Variants in EPB41 observed in about 807,000 individuals in gnomAD.
EPB41 encodes the protein protein 4.1.
A neutral mutation model predicts 108.0 loss-of-function variants in EPB41; 65 were observed. The ratio of observed to expected loss-of-function variants is 0.60; its 90% CI spans 0.49 to 0.74. The LOEUF (loss-of-function observed/expected upper bound fraction) is 0.74, where lower values mean the gene tolerates loss of function less well. Ranked by LOEUF, EPB41 falls within the 30% of genes least tolerant of loss-of-function variation. The pLI is 0.00. For missense variants in EPB41, 875 were observed against 1,037.0 expected (o/e 0.84, Z 2.15); for synonymous variants, 336 against 358.9 (o/e 0.94, Z 0.72).
At chr1:28,888,854 C>G (rs942160857) in intron 1 of EPB41, among the ~76,000 whole-genome samples, 1 of 152,184 alleles carries the variant, frequency 6.6e-6, no homozygotes, top group East Asian at 1.9e-4. Context: ...GTCTCGATCT[C>G]CTGACCTCGT....
intron 16 of EPB41, among the ~76,000 whole-genome samples, chr1:29,080,554 G>A (rs1160325933): frequency 6.6e-6 from 1 of 151,908 alleles, no homozygotes; most frequent in African/African-American, 2.4e-5. Flanking sequence ...GACCACAGGT[G>A]TGTGTCACAC....
chr1:28,981,052 C>T (rs1271044622), intron 1 of EPB41, among the ~76,000 whole-genome samples: 2 of 152,118 alleles, frequency 1.3e-5, no homozygotes, highest in East Asian at 3.9e-4. Flanking sequence ...GGATTACAGG[C>T]GTGAGCCACC....
upstream of EPB41, among the ~76,000 whole-genome samples, chr1:28,912,816 C>T (rs1389961794): frequency 1.3e-5 from 2 of 151,894 alleles, no homozygotes; most frequent in African/African-American, 2.4e-5. Context: ...TGGGGTTTCA[C>T]CATTTGGCCA....
chr1:29,033,023 A>G (rs895633894), intron 8 of EPB41, 70 bp from the exon 9 acceptor site: 3 of 1,433,424 alleles, frequency 2.1e-6, no homozygotes, highest in Admixed American at 1.7e-5. Context: ...TCTTCAGATT[A>G]TCTAGTAATA....
chr1:28,952,246 G>A (rs1231242749), intron 1 of EPB41, among the ~76,000 whole-genome samples: 3 of 151,454 alleles, frequency 2.0e-5, no homozygotes, highest in Non-Finnish European at 4.4e-5. Flanking sequence ...TGGTTCGTGC[G>A]GCCGGGCACG....
At chr1:29,038,037 CATAA>C in intron 10 of EPB41, among the ~76,000 whole-genome samples, 1 of 152,232 alleles carries the variant, frequency 6.6e-6, no homozygotes, top group Admixed American at 6.5e-5. Flanking sequence ...TCATTTCATT[CATAA>C]ATAAACTTGA....
chr1:29,060,740 T>G (rs915005794), intron 15 of EPB41, among the ~76,000 whole-genome samples: 11 of 152,222 alleles, frequency 7.2e-5, no homozygotes, highest in Non-Finnish European at 1.3e-4. Context: ...CTCTCATGGT[T>G]CCATTGTTTT....
chr1:29,095,179 T>G (rs1662769084), intron 16 of EPB41, among the ~76,000 whole-genome samples: 1 of 152,058 alleles, frequency 6.6e-6, no homozygotes, highest in Non-Finnish European at 1.5e-5. Flanking sequence ...TCCTGTGGAG[T>G]GAGGTATTTG....
At chr1:29,072,280 T>A (rs1651846490) in intron 16 of EPB41, 1 of 152,118 alleles carries the variant, frequency 6.6e-6, no homozygotes. Flanking sequence ...CAGAAAGTAA[T>A]AATCATGAGT....
intron 19 of EPB41, among the ~76,000 whole-genome samples, chr1:29,113,527 T>C (rs775915778): frequency 6.6e-6 from 1 of 152,162 alleles, no homozygotes; most frequent in Non-Finnish European, 1.5e-5. Flanking sequence ...ACCCACCCAC[T>C]CAGTCTGGTG....
At chr1:28,926,595 A>C (rs1439109960) in intron 1 of EPB41, among the ~76,000 whole-genome samples, 1 of 152,220 alleles carries the variant, frequency 6.6e-6, no homozygotes, top group Non-Finnish European at 1.5e-5. Flanking sequence ...TGATCTTGTG[A>C]AAGTACTTTT....
At chr1:29,031,863 A>C (rs2096793369) in intron 8 of EPB41, 1 of 152,162 alleles carries the variant, frequency 6.6e-6, no homozygotes, top group African/African-American at 2.4e-5. Context: ...TGGGAGGCTG[A>C]GGCGGCCGAT....
chr1:28,997,536 A>G (rs1572160975), intron 4 of EPB41, among the ~76,000 whole-genome samples: 2 of 152,314 alleles, frequency 1.3e-5, no homozygotes, highest in African/African-American at 4.8e-5. Context: ...GAAATAAAGT[A>G]TATATTGTAT....
intron 7 of EPB41, among the ~76,000 whole-genome samples, chr1:29,021,983 C>T (rs895950449): frequency 5.9e-5 from 9 of 152,106 alleles, no homozygotes; most frequent in Non-Finnish European, 2.9e-5. Context: ...ATGAAATGAG[C>T]TAGTACTTTT....
chr1:28,888,713 C>G (rs191979746), intron 1 of EPB41, among the ~76,000 whole-genome samples: 7 of 152,290 alleles, frequency 4.6e-5, no homozygotes, highest in Admixed American at 2.6e-4. Context: ...CTGCAAGCTC[C>G]GCCTCCCGGA....
intron 1 of EPB41, among the ~76,000 whole-genome samples, chr1:28,897,657 G>A (rs12739654): frequency 1.6e-4 from 22 of 135,130 alleles, no homozygotes; most frequent in African/African-American, 3.9e-4. Flanking sequence ...GAGGAGGGGA[G>A]GGGACAGGAG....
chr1:28,970,509 A>AT (rs1212831430), intron 1 of EPB41, among the ~76,000 whole-genome samples: 1 of 152,212 alleles, frequency 6.6e-6, no homozygotes, highest in Non-Finnish European at 1.5e-5. Flanking sequence ...TTACCTTGAA[A>AT]TTTTTAAGGC....
rs1278034563 is a variant in EPB41, at chr1:28,887,253, G to C, written c.-8+43G>C. 3 of 1,277,564 alleles carry C rather than the reference G, an allele frequency of 2.3e-6. No homozygotes were observed. The highest frequency in any genetic ancestry group is 3.0e-6 in the Non-Finnish European group (3 of 983,812). The allele number at this position is 1,277,564 out of a possible 1,614,324, so 79.1% of individuals were successfully genotyped here. Reference sequence around the variant, plus strand: ...GGGGGGCGACCCTCGGTCCCCGGGAGGGACGGGGTTAGGGACAGAAGAACC... The same window carrying C: ...GGGGGGCGACCCTCGGTCCCCGGGACGGACGGGGTTAGGGACAGAAGAACC... On this transcript the variant is annotated intron_variant, in intron 1 of 16. Coordinates refer to the EPB41 transcript ENST00000347529. The surrounding 1 kb of genome is among the most constrained non-coding windows in gnomAD (Gnocchi z 4.9).
At chr1:28,917,514 C>T (rs1003972625) in intron 1 of EPB41, among the ~76,000 whole-genome samples, 7 of 151,850 alleles carry the variant, frequency 4.6e-5, no homozygotes, top group African/African-American at 7.3e-5. Context: ...TTCTTGACCT[C>T]GTGATCCACC....
Sources: allele counts gnomAD v4.1 joint callset (sites outside exome capture counted in the v4.1 genomes callset), GRCh38; gene constraint gnomAD v4.1.1; non-coding constraint Gnocchi (gnomAD v3.1); transcripts MANE v1.5; gene names NCBI Gene and HGNC (gene_info 2026-07-23, HGNC 2026-07-21).